Variants in ANKRD44 observed in about 807,000 individuals in gnomAD.
ANKRD44 encodes the protein ankyrin repeat domain 44.
Under a neutral mutation model 116.0 loss-of-function variants are expected in ANKRD44, and 35 were observed. That is an observed-to-expected ratio of 0.30 (90% CI 0.23 to 0.40). The LOEUF (loss-of-function observed/expected upper bound fraction) is 0.40, where lower values mean the gene tolerates loss of function less well. ANKRD44 is among the 10% of genes least tolerant of loss of function. ANKRD44 has a pLI of 1.00. For synonymous variants in ANKRD44, 435 were observed against 461.8 expected (o/e 0.94, Z 0.74); for missense variants, 1,014 against 1,242.6 (o/e 0.82, Z 2.77).
At chr2:197,008,735 T>G (rs1019062229) in intron 19 of ANKRD44, among the ~76,000 whole-genome samples, 1 of 152,168 alleles carries the variant, frequency 6.6e-6, no homozygotes, top group African/African-American at 2.4e-5. Context: ...GGTGATCCTT[T>G]CATCAAGACA....
intron 16 of ANKRD44, among the ~76,000 whole-genome samples, chr2:197,036,099 G>A (rs72922699): frequency 0.069 from 10,538 of 152,184 alleles, 550 homozygotes; most frequent in Middle Eastern, 0.15. Context: ...AAGAATCTGT[G>A]TTCCCAGAAA....
chr2:196,995,138 A>G (rs903948647), intron 26 of ANKRD44: 4 of 286,702 alleles, frequency 1.4e-5, no homozygotes, highest in Non-Finnish European at 2.6e-5. Flanking sequence ...ATCAGCAAAG[A>G]AAAAGAGAGA....
At chr2:197,071,758 CATT>C (rs2077563621) in intron 16 of ANKRD44, among the ~76,000 whole-genome samples, 1 of 152,146 alleles carries the variant, frequency 6.6e-6, no homozygotes. Flanking sequence ...TTTTCAGTCT[CATT>C]GTTCTACCAA....
intron 20 of ANKRD44, 118 bp from the exon 21 acceptor site, chr2:197,006,028 G>C (rs1013377126): frequency 2.3e-6 from 2 of 888,250 alleles, no homozygotes; most frequent in African/African-American, 3.3e-5. Context: ...TTTAAGGAAG[G>C]CAGACTCTGT....
intron 2 of ANKRD44, among the ~76,000 whole-genome samples, chr2:197,171,821 ACT>A (rs1186035354): frequency 6.6e-6 from 1 of 151,938 alleles, no homozygotes; most frequent in Non-Finnish European, 1.5e-5. Flanking sequence ...AAGTCTCTTA[ACT>A]CTGCTTAATT....
At chr2:197,070,050 C>A (rs2077526135) in intron 16 of ANKRD44, among the ~76,000 whole-genome samples, 2 of 152,086 alleles carry the variant, frequency 1.3e-5, no homozygotes, top group Non-Finnish European at 2.9e-5. Flanking sequence ...CATATTCATT[C>A]CTAGTACACA....
intron 1 of ANKRD44, among the ~76,000 whole-genome samples, chr2:197,245,734 C>T (rs2082177135): frequency 6.6e-6 from 1 of 152,194 alleles, no homozygotes; most frequent in African/African-American, 2.4e-5. Flanking sequence ...CTATGTATTA[C>T]TCTATTACTC....
chr2:197,266,995 T>C (rs2082758074), intron 1 of ANKRD44, among the ~76,000 whole-genome samples: 2 of 152,186 alleles, frequency 1.3e-5, no homozygotes, highest in African/African-American at 4.8e-5. Context: ...ATTTTGTCTG[T>C]TTTGCTCTGT....
chr2:197,170,005 C>G (rs913629458), intron 2 of ANKRD44, among the ~76,000 whole-genome samples: 3 of 152,034 alleles, frequency 2.0e-5, no homozygotes, highest in African/African-American at 7.2e-5. Flanking sequence ...GCCTGGGCAA[C>G]ATGGCAAAAC....
At position 197,273,973 on chromosome 2, in the gene ANKRD44, AAAAAAAAATATATATATATATATATAT is replaced by A. The variant is rs1189553621; in HGVS notation, c.27+36578_27+36604del. Among the ~76,000 whole-genome samples the A allele has an allele frequency of 7.8e-4, 49 of 62,458 alleles. 4 individuals are homozygous for A. The highest frequency in any genetic ancestry group is 4.8e-3 in the South Asian group (7 of 1,464). 41.0% of individuals were successfully genotyped at this position (62,458 alleles called of 152,430 possible). On this transcript the variant is annotated intron_variant, in intron 1 of 27. Coordinates refer to ENST00000282272, the MANE Select transcript of ANKRD44 (RefSeq NM_001195144.2). ...GTCAACCAACCACAAAAAAAAAAAA[AAAAAAAAATATATATATATATATATAT>A]ATATATATATATATATATATATATA...
intron 2 of ANKRD44, among the ~76,000 whole-genome samples, chr2:197,151,431 C>T (rs2079647075): frequency 1.3e-5 from 2 of 152,100 alleles, no homozygotes; most frequent in South Asian, 4.1e-4. Flanking sequence ...GGGGAACACC[C>T]CCACTATTTT....
intron 14 of ANKRD44, among the ~76,000 whole-genome samples, chr2:197,082,209 A>C (rs961092119): frequency 5.3e-5 from 8 of 152,022 alleles, no homozygotes; most frequent in African/African-American, 1.9e-4. Context: ...CATCCTTTTC[A>C]CCACCCCCAA....
At chr2:196,994,041 G>A (rs2075967704) in intron 26 of ANKRD44, among the ~76,000 whole-genome samples, 1 of 152,164 alleles carries the variant, frequency 6.6e-6, no homozygotes, top group Non-Finnish European at 1.5e-5. Context: ...TCAACAATAT[G>A]ACTGGCATTA....
At chr2:197,274,617 G>T (rs145505826) in intron 1 of ANKRD44, among the ~76,000 whole-genome samples, 1 of 152,210 alleles carries the variant, frequency 6.6e-6, no homozygotes, top group East Asian at 1.9e-4. Flanking sequence ...CTTTTCCCTC[G>T]GCCCAGTCCT....
intron 16 of ANKRD44, among the ~76,000 whole-genome samples, chr2:197,050,759 TC>T (rs2077092025): frequency 6.6e-6 from 1 of 152,148 alleles, no homozygotes; most frequent in African/African-American, 2.4e-5. Context: ...ATCAAAACTT[TC>T]CCCCTCAGAA....
At position 197,121,430 on chromosome 2, in the gene ANKRD44, T is replaced by G. The variant is rs747689632; in HGVS notation, c.808A>C (p.Asn270His). 1 of 1,614,208 alleles carries G rather than the reference T, an allele frequency of 6.2e-7. No homozygotes were observed. The highest frequency in any genetic ancestry group is 1.1e-5 in the South Asian group (1 of 91,084). Residue 270 changes from asparagine to histidine, a missense_variant, in exon 8 of 28, where the codon AAT (asparagine) becomes CAT (histidine). Physicochemically the swap from Asn to His is moderately conservative, Grantham distance 68. Coordinates refer to ENST00000282272, the MANE Select transcript of ANKRD44 (RefSeq NM_001195144.2). ...DYGANVNQPN[N>H]NGFTPLHFAA... Reference sequence around the variant, plus strand: ...AAATGCAAAGGGGTGAACCCATTATTGTTTGGCTGGTTCACGTTAGCACCG... The same window carrying G: ...AAATGCAAAGGGGTGAACCCATTATGGTTTGGCTGGTTCACGTTAGCACCG...
chr2:197,211,962 C>T (rs914450318), intron 1 of ANKRD44, among the ~76,000 whole-genome samples: 2 of 152,030 alleles, frequency 1.3e-5, no homozygotes, highest in East Asian at 3.9e-4. Context: ...GACCAACACT[C>T]CGGTGATGAA....
intron 16 of ANKRD44, 89 bp downstream of exon 16, chr2:197,078,614 T>G: frequency 6.5e-7 from 1 of 1,549,558 alleles, no homozygotes; most frequent in Non-Finnish European, 8.8e-7. Context: ...AAGCCAGAGC[T>G]ACAACTCTGG....
chr2:196,995,856 G>C (rs2076003029), intron 25 of ANKRD44, among the ~76,000 whole-genome samples: 1 of 152,174 alleles, frequency 6.6e-6, no homozygotes, highest in Non-Finnish European at 1.5e-5. Flanking sequence ...CAAGACGTCA[G>C]TTACTACTTC....
Sources: gnomAD v4.1 joint callset for allele counts (sites outside exome capture counted in the v4.1 genomes callset) on GRCh38, gnomAD v4.1.1 for gene constraint, MANE v1.5 for transcripts, NCBI Gene and HGNC (gene_info 2026-07-23, HGNC 2026-07-21) for gene names.